The following GRM5 variants were observed in gnomAD, a reference collection of about 807,000 sequenced individuals.
The protein encoded by GRM5 is metabotropic glutamate receptor 5.
Under a neutral mutation model 83.1 loss-of-function variants are expected in GRM5, and 19 were observed. The observed-to-expected ratio is 0.23, with a 90% CI of 0.16 to 0.34. The LOEUF is 0.34. Ranked by LOEUF, GRM5 falls within the 10% of genes least tolerant of loss-of-function variation. The probability of loss-of-function intolerance (pLI) is 1.00; values close to 1 mark genes in which losing one functional copy is unlikely to be tolerated. For synonymous variants in GRM5, 675 were observed against 633.6 expected, an observed-to-expected ratio of 1.07 and a Z score of -0.98; for missense variants, 1,160 against 1,588.3, an observed-to-expected ratio of 0.73 and a Z score of 4.58.
chr11:88,819,070 A>T (rs1175554284), intron 3 of GRM5, among the ~76,000 whole-genome samples: 1 of 152,248 alleles, frequency 6.6e-6, no homozygotes, highest in African/African-American at 2.4e-5. Flanking sequence ...CAAATTTCAA[A>T]AGCAACATTT....
At chr11:88,920,702 T>C (rs2135627917) in intron 2 of GRM5, among the ~76,000 whole-genome samples, 1 of 152,232 alleles carries the variant, frequency 6.6e-6, no homozygotes, top group East Asian at 1.9e-4. Context: ...GCAAACCAAA[T>C]TCACCAATGC....
intron 2 of GRM5, among the ~76,000 whole-genome samples, chr11:88,897,880 AG>A (rs1945254572): frequency 6.6e-6 from 1 of 151,974 alleles, no homozygotes; most frequent in Non-Finnish European, 1.5e-5. Context: ...AAAACATGTA[AG>A]CTTTGGAACC....
At chr11:88,516,289 T>C (rs946296076) in intron 9 of GRM5, among the ~76,000 whole-genome samples, 2 of 152,164 alleles carry the variant, frequency 1.3e-5, no homozygotes, top group African/African-American at 4.8e-5. Flanking sequence ...GGCAGGACAG[T>C]GCCCCAAATC....
chr11:88,826,515 C>T (rs1284925087), intron 3 of GRM5, among the ~76,000 whole-genome samples: 1 of 151,566 alleles, frequency 6.6e-6, no homozygotes, highest in East Asian at 1.9e-4. Flanking sequence ...TTAAAGCCTT[C>T]CAAGGGCCAA....
At chr11:88,864,514 T>C (rs1337394056) in intron 2 of GRM5, among the ~76,000 whole-genome samples, 1 of 152,082 alleles carries the variant, frequency 6.6e-6, no homozygotes, top group Admixed American at 6.6e-5. Context: ...TTTTTGCACA[T>C]TGATTTTGTA....
chr11:88,570,400 C>T (rs567002769), intron 7 of GRM5, among the ~76,000 whole-genome samples: 1 of 151,052 alleles, frequency 6.6e-6, no homozygotes, highest in East Asian at 1.9e-4. Flanking sequence ...AATTAATATA[C>T]CTATATCTGT....
intron 2 of GRM5, among the ~76,000 whole-genome samples, chr11:88,872,130 T>A (rs1590928392): frequency 6.6e-6 from 1 of 151,422 alleles, no homozygotes; most frequent in Non-Finnish European, 1.5e-5. Context: ...TATTAAGCAT[T>A]GTTAAGGTAT....
At chr11:88,798,553 C>T (rs1943325618) in intron 3 of GRM5, among the ~76,000 whole-genome samples, 1 of 152,050 alleles carries the variant, frequency 6.6e-6, no homozygotes, top group Non-Finnish European at 1.5e-5. Context: ...CAAAGAGCAA[C>T]CATCTTCATC....
intron 8 of GRM5, among the ~76,000 whole-genome samples, chr11:88,535,361 A>C (rs980601940): frequency 1.3e-5 from 2 of 152,136 alleles, no homozygotes; most frequent in African/African-American, 2.4e-5. Flanking sequence ...AACACTGGAA[A>C]ACATAGTCTC....
chr11:88,660,673 TTA>T (rs1591420377), intron 3 of GRM5, among the ~76,000 whole-genome samples: 1 of 152,164 alleles, frequency 6.6e-6, no homozygotes, highest in Admixed American at 6.5e-5. Context: ...ACTGAAATCA[TTA>T]GTTATGCTTA....
intron 2 of GRM5, among the ~76,000 whole-genome samples, chr11:88,879,214 T>G (rs1214112499): frequency 6.6e-6 from 1 of 152,026 alleles, no homozygotes; most frequent in South Asian, 2.1e-4. Flanking sequence ...GAGTGCAAAT[T>G]GAATAGATTA....
chr11:88,657,585 A>G (rs1939794616), intron 3 of GRM5, among the ~76,000 whole-genome samples: 1 of 152,146 alleles, frequency 6.6e-6, no homozygotes. Flanking sequence ...TACCAAAAAT[A>G]TACTCTCTTT....
At chr11:88,783,397 A>G (rs752437211) in intron 3 of GRM5, among the ~76,000 whole-genome samples, 5 of 152,146 alleles carry the variant, frequency 3.3e-5, no homozygotes, top group Non-Finnish European at 5.9e-5. Context: ...GATGTTATTT[A>G]TCACATACAA....
intron 3 of GRM5, among the ~76,000 whole-genome samples, chr11:88,844,546 T>A (rs532792424): frequency 6.6e-6 from 1 of 152,284 alleles, no homozygotes; most frequent in East Asian, 1.9e-4. Context: ...AATCAACAAG[T>A]AATTTTGACT....
chr11:88,909,465 C>A (rs1294640930), intron 2 of GRM5, among the ~76,000 whole-genome samples: 1 of 126,518 alleles, frequency 7.9e-6, no homozygotes, highest in African/African-American at 3.1e-5. Context: ...GAATTTTTGT[C>A]TACTTTTTTT....
At chr11:88,673,684 GT>G (rs1940248388) in intron 3 of GRM5, among the ~76,000 whole-genome samples, 1 of 151,752 alleles carries the variant, frequency 6.6e-6, no homozygotes, top group African/African-American at 2.4e-5. Context: ...CCCCCAAATG[GT>G]TTAACTGTAC....
intron 3 of GRM5, among the ~76,000 whole-genome samples, chr11:88,724,314 C>T (rs1307351704): frequency 6.6e-6 from 1 of 152,158 alleles, no homozygotes; most frequent in Non-Finnish European, 1.5e-5. Context: ...CTCCTCTGCA[C>T]TGACCTTTTC....
chr11:88,882,062 G>A (rs1944962635), intron 2 of GRM5, among the ~76,000 whole-genome samples: 1 of 144,260 alleles, frequency 6.9e-6, no homozygotes, highest in Non-Finnish European at 1.5e-5. Flanking sequence ...GTCAACACAG[G>A]GAAACCCCAT....
intron 5 of GRM5, among the ~76,000 whole-genome samples, chr11:88,598,151 C>G (rs1458882419): frequency 6.6e-6 from 1 of 152,132 alleles, no homozygotes; most frequent in Non-Finnish European, 1.5e-5. Context: ...CAGGTACACA[C>G]TGTGTTCACA....
Sources: allele counts gnomAD v4.1 joint callset (sites outside exome capture counted in the v4.1 genomes callset), GRCh38; gene constraint gnomAD v4.1.1; transcripts MANE v1.5; gene names NCBI Gene and HGNC (gene_info 2026-07-23, HGNC 2026-07-21).